LRPPRC: variants seen among roughly 807,000 people sequenced by gnomAD.
LRPPRC encodes leucine rich pentatricopeptide repeat containing.
Under a neutral mutation model 180.3 loss-of-function variants are expected in LRPPRC, and 120 were observed. That is an observed-to-expected ratio of 0.67 (90% CI 0.57 to 0.77). LRPPRC has a LOEUF of 0.77. Ranked by LOEUF, LRPPRC falls within the 30% of genes least tolerant of loss-of-function variation. The pLI is 0.00. For missense variants in LRPPRC, 2,012 were observed against 1,657.2 expected, an observed-to-expected ratio of 1.21 and a Z score of -3.72; for synonymous variants, 723 against 600.0, an observed-to-expected ratio of 1.21 and a Z score of -3.00.
At chr2:43,955,045 T>C (rs372043482) in intron 14 of LRPPRC, among the ~76,000 whole-genome samples, 21 of 152,248 alleles carry the variant, frequency 1.4e-4, no homozygotes, top group African/African-American at 5.1e-4. Flanking sequence ...CGATACGGGT[T>C]TTTATAGGGA....
chr2:43,974,288 C>T lies in LRPPRC; in HGVS notation c.1017G>A (p.Met339Ile). The stretch of plus-strand genomic sequence containing the variant: ...CAGTGACTAAAAGTAAAATGAGGTT[C>T]ATTGCATCTGGGAAGAAAACAAAGA... ...TCERRYIPDA[M>I]NLILLLVTEK... The change falls in exon 9 of 38, where the codon ATG becomes ATA. Residue 339 changes from methionine (M) to isoleucine (I), a missense_variant. Coordinates refer to ENST00000260665, the MANE Select transcript of LRPPRC (RefSeq NM_133259.4). 6.2e-7 allele frequency: 1 copy of T among 1,610,794 alleles called. No individual in the cohort carries two copies. Among genetic ancestry groups the T allele is most frequent in the Non-Finnish European group, 8.5e-7 (1 of 1,177,004 alleles).
In LRPPRC at chr2:43,943,743, C is replaced by T. The variant is rs1394040536; in HGVS notation, c.2448G>A (p.Gly816=). 2.5e-6 allele frequency: 4 copies of T among 1,613,534 alleles called. No individual in the cohort carries two copies. The highest frequency in any genetic ancestry group is 3.4e-6 in the Non-Finnish European group (4 of 1,179,494). ...KQLHEAIVTL[G]LAEPSTNISF... ...TTATGTTGGTGGATGGTTCTGCTAA[C>T]CCTAGAGTCACGATGGCTTCATGCA... The change falls in exon 23 of 38, where the codon GGG becomes GGA. Residue 816 remains glycine, a synonymous_variant. Coordinates refer to ENST00000260665, the MANE Select transcript of LRPPRC (RefSeq NM_133259.4).
intron 1 of LRPPRC, among the ~76,000 whole-genome samples, chr2:43,984,108 G>A (rs1674425680): frequency 1.3e-5 from 2 of 151,840 alleles, no homozygotes; most frequent in Non-Finnish European, 2.9e-5. Context: ...CTTCCAAAAG[G>A]CATTTATCTA....
rs2954808 is a variant in LRPPRC at position 43,890,169 on chromosome 2, A to G, written c.3986-293T>C. Reference sequence around the variant, plus strand: ...TAGGTTATTACATTATTTAAGACCTATGATAGTTCAAGTGACCACAAACTG... The same window carrying G: ...TAGGTTATTACATTATTTAAGACCTGTGATAGTTCAAGTGACCACAAACTG... On this transcript the variant is annotated intron_variant, in intron 36 of 37. Coordinates refer to ENST00000260665, the MANE Select transcript of LRPPRC (RefSeq NM_133259.4). 2,262 of 436,162 alleles carry G rather than the reference A, an allele frequency of 5.2e-3. 70 individuals carry two copies. The East Asian group carries it at 0.064, about 12-fold the overall frequency. The allele number at this position is 436,162 out of a possible 1,614,324, so 27.0% of individuals were successfully genotyped here.
At chr2:43,970,949 A>G (rs1323530032) in intron 11 of LRPPRC, among the ~76,000 whole-genome samples, 1 of 152,076 alleles carries the variant, frequency 6.6e-6, no homozygotes, top group Non-Finnish European at 1.5e-5. Context: ...AAATACCAAA[A>G]ATTAGCTGGG....
intron 11 of LRPPRC, among the ~76,000 whole-genome samples, chr2:43,971,485 T>TAAACAAAAAA (rs1673802765): frequency 1.6e-5 from 1 of 62,418 alleles, no homozygotes; most frequent in African/African-American, 7.9e-5. Context: ...TGTGTCACAG[T>TAAACAAAAAA]AAAAAAAAAA....
At chr2:43,914,097 GC>G (rs1286921623) in intron 29 of LRPPRC, among the ~76,000 whole-genome samples, 9 of 152,094 alleles carry the variant, frequency 5.9e-5, no homozygotes, top group African/African-American at 1.2e-4. Flanking sequence ...TTTTTAGGGG[GC>G]TAAAAACTTA....
chr2:43,992,125 G>A (rs1674808411), intron 1 of LRPPRC, among the ~76,000 whole-genome samples: 1 of 152,192 alleles, frequency 6.6e-6, no homozygotes, highest in Non-Finnish European at 1.5e-5. Flanking sequence ...CACGGTCTAA[G>A]AGGAGGCACA....
rs766225459 is a variant in LRPPRC at position 43,901,521 on chromosome 2, G to A, written c.3368C>T (p.Ala1123Val). 6.2e-6 allele frequency: 10 copies of A among 1,608,882 alleles called. No homozygotes were observed. Among genetic ancestry groups the A allele is most frequent in the Non-Finnish European group, 8.5e-6 (10 of 1,175,294 alleles). The change falls in exon 32 of 38, where the codon GCT (alanine) becomes GTT (valine). Residue 1123 changes from alanine to valine, a missense_variant. Ala to Val is a moderately conservative substitution (Grantham distance 64). Coordinates refer to ENST00000260665, the MANE Select transcript of LRPPRC (RefSeq NM_133259.4). Reference protein sequence around the residue: ...TQVRRDYLKEAVTTLKTVLDQ... With the variant: ...TQVRRDYLKEVVTTLKTVLDQ... ...CAATACTGTTTTCAGTGTTGTCACA[G>A]CCTCTAAAATACAAGAGCAGGAGAT...
intron 24 of LRPPRC, 89 bp downstream of exon 24, chr2:43,934,665 C>A: frequency 8.7e-7 from 1 of 1,149,786 alleles, no homozygotes; most frequent in African/African-American, 1.6e-5. Flanking sequence ...ATGTGCTGGC[C>A]TTCTGCTGGT....
chr2:43,946,182 T>G lies in LRPPRC; in HGVS notation c.2141A>C (p.Tyr714Ser). The G allele has an allele frequency of 6.2e-7, 1 of 1,611,010 alleles. No individual in the cohort carries two copies. Among genetic ancestry groups the G allele is most frequent in the South Asian group, 1.1e-5 (1 of 91,014 alleles). The change falls in exon 21 of 38, where the codon TAT becomes TCT. Residue 714 changes from tyrosine (Y) to serine (S), a missense_variant. Coordinates refer to ENST00000260665, the MANE Select transcript of LRPPRC (RefSeq NM_133259.4). ...KYESDMVTGG[Y>S]AALINLCCRH... ...ACAGCATAAATTTATTAAAGCTGCA[T>G]AGCCACCAGTAACCATGTCGGATTC...
In LRPPRC at chr2:43,888,552, A is replaced by G. The variant is rs781781603; in HGVS notation, c.*48T>C. ...TCAGATATACTTCAAAATAACATGT[A>G]GACACAGAATCACAAATATATACAA... On this transcript the variant is annotated 3_prime_UTR_variant, in exon 38 of 38. Coordinates refer to ENST00000260665, the MANE Select transcript of LRPPRC (RefSeq NM_133259.4). The G allele has an allele frequency of 1.4e-5, 16 of 1,151,726 alleles. No individual in the cohort carries two copies. Among genetic ancestry groups the G allele is most frequent in the Non-Finnish European group, 2.1e-5 (16 of 760,126 alleles). 71.3% of individuals were successfully genotyped at this position (1,151,726 alleles called of 1,614,324 possible).
At chr2:43,963,402 C>T in intron 12 of LRPPRC, 186 bp downstream of exon 12, 1 of 635,344 alleles carries the variant, frequency 1.6e-6, no homozygotes, top group Non-Finnish European at 2.8e-6. Context: ...CAAGATTGTG[C>T]CATTGCACTC....
intron 1 of LRPPRC, among the ~76,000 whole-genome samples, chr2:43,986,641 T>C (rs573714950): frequency 3.9e-5 from 6 of 152,196 alleles, no homozygotes; most frequent in Non-Finnish European, 7.3e-5. Context: ...CTGAAGCAAC[T>C]TGCCCAAAGT....
chr2:43,957,277 G>A (rs1360533548), intron 14 of LRPPRC, 108 bp downstream of exon 14: 3 of 818,366 alleles, frequency 3.7e-6, no homozygotes, highest in Non-Finnish European at 6.4e-6. Flanking sequence ...TAAACTGAAT[G>A]TACACTGAAA....
At chr2:43,939,058 G>C (rs187517683) in intron 23 of LRPPRC, among the ~76,000 whole-genome samples, 142 of 151,430 alleles carry the variant, frequency 9.4e-4, no homozygotes, top group African/African-American at 3.3e-3. Flanking sequence ...GGATCACGCG[G>C]TCAGGAGATC....
chr2:43,996,145 C>T (rs533760519), upstream of LRPPRC: 12 of 544,262 alleles, frequency 2.2e-5, 1 homozygote, highest in South Asian at 1.1e-4. Flanking sequence ...TTTACATAAA[C>T]GATGTTGCTT....
chr2:43,891,566 C>T (rs1572885531), intron 36 of LRPPRC, among the ~76,000 whole-genome samples: 1 of 152,126 alleles, frequency 6.6e-6, no homozygotes, highest in Non-Finnish European at 1.5e-5. Context: ...TTGGGGGATG[C>T]TATGAACCAT....
At chr2:43,901,706 G>A (rs1418971345) in intron 31 of LRPPRC, 182 bp from the exon 32 acceptor site, 2 of 599,492 alleles carry the variant, frequency 3.3e-6, no homozygotes, top group Admixed American at 2.9e-5. Context: ...TTATTTACTT[G>A]ACTATATAAG....
Sources: gnomAD v4.1 joint callset for allele counts (sites outside exome capture counted in the v4.1 genomes callset) on GRCh38, gnomAD v4.1.1 for gene constraint, MANE v1.5 for transcripts, NCBI Gene and HGNC (gene_info 2026-07-23, HGNC 2026-07-21) for gene names.